REV1: variants seen among roughly 807,000 people sequenced by gnomAD.
The protein encoded by REV1 is translesion synthesis protein REV1.
REV1 carries 42 observed loss-of-function variants against 137.4 expected under a neutral mutation model. The observed-to-expected ratio is 0.31, with a 90% CI of 0.24 to 0.40. The LOEUF is 0.40. REV1 is among the 10% of genes least tolerant of loss of function. The probability of loss-of-function intolerance (pLI) is 1.00; values close to 1 mark genes in which losing one functional copy is unlikely to be tolerated. For missense variants in REV1, 1,282 were observed against 1,490.1 expected (o/e 0.86, Z 2.30); for synonymous variants, 524 against 519.2 (o/e 1.01, Z -0.12).
chr2:99,482,977 A>G (rs1480265827), intron 1 of REV1, among the ~76,000 whole-genome samples: 1 of 151,190 alleles, frequency 6.6e-6, no homozygotes, highest in African/African-American at 2.4e-5. Context: ...AGATCATGCC[A>G]TAGCACTCCA....
rs1354427589 is a variant in REV1, at chr2:99,402,293, C to G, written c.3595G>C (p.Glu1199Gln). 2.0e-6 allele frequency: 3 copies of G among 1,522,380 alleles called. No individual in the cohort carries two copies. The highest frequency in any genetic ancestry group is 2.7e-6 in the Non-Finnish European group (3 of 1,111,194). The allele number at this position is 1,522,380 out of a possible 1,614,324, so 94.3% of individuals were successfully genotyped here. The change falls in exon 22 of 23, where the codon GAA becomes CAA. Residue 1199 changes from glutamate (E) to glutamine (Q), a missense_variant. By Grantham distance (29) the Glu-to-Gln change is conservative (BLOSUM62 2). This residue lies in a region of REV1 where 43 missense variants were observed against 79.1 expected (regional missense o/e 0.54). Transcript: ENST00000258428. ...QVVKYCTDLIEEKDLEKLDLV... is the reference protein window; with the variant it reads ...QVVKYCTDLIQEKDLEKLDLV... ...TCCAGTTTTTCCAAATCTTTTTCTT[C>G]TATTAGATCAGTACAGTATTTCACA...
chr2:99,441,459 G>C (rs1462867970), intron 5 of REV1, among the ~76,000 whole-genome samples: 1 of 150,576 alleles, frequency 6.6e-6, no homozygotes, highest in Non-Finnish European at 1.5e-5. Context: ...GCAATTAAAA[G>C]CTTAAATTAA....
Position 99,403,801 on chromosome 2 carries a change from T to A in REV1, c.3060A>T (p.Val1020=). The change falls in exon 19 of 23, where the codon GTA becomes GTT. Residue 1020 remains valine (V), a synonymous_variant. Transcript: ENST00000258428. ...LPAFSQVDPE[V]FAALPAELQR... ...GAAGTTCAGCAGGAAGGGCAGCAAA[T>A]ACCTCAGGGTCCACCTAGTGGAAAA... The A allele has an allele frequency of 6.2e-7, 1 of 1,614,142 alleles. No individual in the cohort carries two copies. The highest frequency in any genetic ancestry group is 8.5e-7 in the Non-Finnish European group (1 of 1,180,010).
rs1024508662 is a variant in REV1, at chr2:99,422,626, A to T, written c.1677-973T>A. Among the ~76,000 whole-genome samples the T allele has an allele frequency of 3.3e-5, 5 of 152,244 alleles. 1 individual carries two copies. Among genetic ancestry groups the T allele is most frequent in the African/African-American group, 1.2e-4 (5 of 41,466 alleles). Reference sequence around the variant, plus strand: ...GTATGAGGTATTTTGCTTCAGAGTGAAAGCTGCCCTGAGACAGGGAGAATA... The same window carrying T: ...GTATGAGGTATTTTGCTTCAGAGTGTAAGCTGCCCTGAGACAGGGAGAATA... On this transcript the variant is annotated intron_variant, in intron 10 of 22. Coordinates refer to ENST00000258428, the MANE Select transcript of REV1 (RefSeq NM_016316.4).
Position 99,421,657 on chromosome 2 carries a change from T to C in REV1, c.1677-4A>G, listed in dbSNP as rs1244754831. 1 of 1,611,802 alleles carries C rather than the reference T, an allele frequency of 6.2e-7. No individual in the cohort carries two copies. ...AGCTTCAATGTTATGAGTGTAGCTA[T>C]CAACACAGAGCAAAGGCAACGAATC... is the stretch of plus-strand genomic sequence containing the variant. On this transcript the variant is annotated splice_region_variant and splice_polypyrimidine_tract_variant and intron_variant, in intron 10 of 22. Coordinates refer to ENST00000258428, the MANE Select transcript of REV1 (RefSeq NM_016316.4).
chr2:99,461,260 A>T lies in REV1; in HGVS notation c.181+1236T>A, dbSNP rs142258393. ...TTCTCTTACTAAACCAGATAAATGT[A>T]CCAGTTAATTAATACTTAACTCCAA... is the stretch of plus-strand genomic sequence containing the variant. On this transcript the variant is annotated intron_variant, in intron 3 of 22. Transcript: ENST00000258428. 8.7e-4 allele frequency among the ~76,000 whole-genome samples: 132 copies of T among 152,360 alleles called. 1 individual carries two copies. Among genetic ancestry groups the T allele is most frequent in the South Asian group, 3.7e-3 (18 of 4,826 alleles).
intron 4 of REV1, 108 bp downstream of exon 4, chr2:99,449,228 G>A: frequency 1.9e-6 from 1 of 534,112 alleles, no homozygotes; most frequent in Non-Finnish European, 2.7e-6. Context: ...TCATGCCACT[G>A]CACTCTAGCC....
At chr2:99,476,615 G>A (rs1322323605) in intron 1 of REV1, among the ~76,000 whole-genome samples, 3 of 152,068 alleles carry the variant, frequency 2.0e-5, no homozygotes, top group Non-Finnish European at 4.4e-5. Context: ...TTACCTGGGG[G>A]CTTTGAGCCA....
chr2:99,409,532 T>C (rs1448293430), intron 14 of REV1, among the ~76,000 whole-genome samples: 2 of 152,302 alleles, frequency 1.3e-5, no homozygotes, highest in South Asian at 2.1e-4. Context: ...TATTAAGTAG[T>C]TGGCCCTGAC....
At chr2:99,458,283 A>G (rs989984922) in intron 3 of REV1, among the ~76,000 whole-genome samples, 3 of 152,236 alleles carry the variant, frequency 2.0e-5, no homozygotes, top group Admixed American at 2.0e-4. Flanking sequence ...GAGGAAAAAA[A>G]TATGAACAAA....
intron 9 of REV1, among the ~76,000 whole-genome samples, chr2:99,428,733 C>A (rs968673139): frequency 3.3e-5 from 5 of 152,168 alleles, no homozygotes; most frequent in African/African-American, 9.7e-5. Flanking sequence ...CAGTGGCTCA[C>A]GCCTGTAATC....
chr2:99,437,051 C>T (rs1194610555), intron 6 of REV1, among the ~76,000 whole-genome samples: 4 of 147,940 alleles, frequency 2.7e-5, no homozygotes, highest in African/African-American at 5.0e-5. Context: ...TGCAGTGGTG[C>T]GATCTGCAAC....
intron 1 of REV1, among the ~76,000 whole-genome samples, chr2:99,484,942 G>A (rs777943212): frequency 1.3e-5 from 2 of 152,090 alleles, no homozygotes; most frequent in Non-Finnish European, 2.9e-5. Context: ...AACCTTATAC[G>A]GTAGCTGTAG....
chr2:99,434,532 A>G (rs1023819570), intron 7 of REV1, 84 bp from the exon 8 acceptor site: 15 of 739,278 alleles, frequency 2.0e-5, no homozygotes, highest in Non-Finnish European at 3.2e-5. Context: ...AAGGATTTTA[A>G]AAACATGCCT....
chr2:99,445,514 T>C (rs1451036643), intron 4 of REV1, among the ~76,000 whole-genome samples: 4 of 152,316 alleles, frequency 2.6e-5, no homozygotes, highest in Middle Eastern at 3.4e-3. Context: ...AAGAACAATC[T>C]GTAGCAACTT....
At chr2:99,407,689 T>TA (rs1287873348) in intron 15 of REV1, among the ~76,000 whole-genome samples, 1 of 152,150 alleles carries the variant, frequency 6.6e-6, no homozygotes, top group Non-Finnish European at 1.5e-5. Flanking sequence ...TGTTTCTGAT[T>TA]AAAAAGGAAC....
intron 1 of REV1, among the ~76,000 whole-genome samples, chr2:99,480,544 G>A (rs1476851506): frequency 6.6e-6 from 1 of 152,122 alleles, no homozygotes; most frequent in Non-Finnish European, 1.5e-5. Flanking sequence ...ACACCATAAC[G>A]TATAAATCTT....
rs1469153179 is a variant in REV1, at chr2:99,402,760, G to C, written c.3425C>G (p.Ser1142Cys). ...GCCAGCTGGGTCAGACTGCAAACTA[G>C]AAAGGCCTGGCACACCTGAAGTAGA... ...SASTSGVPGL[S>C]SLQSDPAGCV... Residue 1142 changes from serine to cysteine, a missense_variant, in exon 21 of 23, where the codon TCT (serine) becomes TGT (cysteine). Transcript: ENST00000258428. The C allele has an allele frequency of 5.6e-6, 9 of 1,614,098 alleles. No individual in the cohort carries two copies. The highest frequency in any genetic ancestry group is 6.8e-6 in the Non-Finnish European group (8 of 1,180,046).
At chr2:99,470,553 C>G (rs532670200) in intron 1 of REV1, among the ~76,000 whole-genome samples, 433 of 152,328 alleles carry the variant, frequency 2.8e-3, no homozygotes, top group African/African-American at 0.01. Flanking sequence ...ATATTTGCCC[C>G]GGCAAGCTTA....
Sources: gnomAD v4.1 joint callset for allele counts (sites outside exome capture counted in the v4.1 genomes callset) on GRCh38, gnomAD v4.1.1 for gene constraint, gnomAD v4.1.1 regional missense constraint, MANE v1.5 for transcripts, NCBI Gene and HGNC (gene_info 2026-07-23, HGNC 2026-07-21) for gene names.